Variants in EVC observed in about 807,000 individuals in gnomAD.
EVC encodes the protein EvC ciliary complex subunit 1, also known as evC complex member EVC.
In EVC, 116 loss-of-function variants were observed where a neutral mutation model predicts 118.9. That is an observed-to-expected ratio of 0.98 (90% CI 0.84 to 1.14). EVC has a LOEUF of 1.14. Ranked by LOEUF, EVC falls within the 50% of genes most tolerant of loss-of-function variation. The pLI is 0.00. For synonymous variants in EVC, 619 were observed against 534.7 expected, an observed-to-expected ratio of 1.16 and a Z score of -2.18; for missense variants, 1,401 against 1,246.4, an observed-to-expected ratio of 1.12 and a Z score of -1.87.
At chr4:5,827,657 C>T in the EVC span, among the ~76,000 whole-genome samples, 1 of 152,010 alleles carries the variant, frequency 6.6e-6, no homozygotes, top group Admixed American at 6.6e-5. Context: ...CACACATCCC[C>T]ATATGCACAC....
intron 12 of EVC, among the ~76,000 whole-genome samples, chr4:5,784,368 G>C (rs1481197088): frequency 1.3e-5 from 2 of 152,116 alleles, no homozygotes; most frequent in African/African-American, 4.8e-5. Flanking sequence ...TCGGAATGGT[G>C]TGGCTGTGAG....
intron 17 of EVC, among the ~76,000 whole-genome samples, chr4:5,805,791 AG>A (rs576637435): frequency 6.6e-6 from 1 of 152,112 alleles, no homozygotes; most frequent in Middle Eastern, 3.4e-3. Context: ...GTGTTGGGAA[AG>A]GGGGTGCATG....
chr4:5,823,831 A>G, the EVC span, among the ~76,000 whole-genome samples: 2 of 152,228 alleles, frequency 1.3e-5, no homozygotes, highest in Admixed American at 6.5e-5. Flanking sequence ...GTAATCCTTT[A>G]TAGCAATGTA....
intron 15 of EVC, among the ~76,000 whole-genome samples, chr4:5,800,821 G>A (rs116803230): frequency 0.016 from 2,381 of 147,862 alleles, 64 homozygotes; most frequent in African/African-American, 0.057. Flanking sequence ...CTGCCACTCC[G>A]GGCTGTACAG....
rs2152387774 is a variant in EVC at position 5,808,249 on chromosome 4, G to A, written c.2610G>A (p.Gln870=). The A allele has an allele frequency of 2.5e-6, 4 of 1,609,200 alleles. No homozygotes were observed. Among genetic ancestry groups the A allele is most frequent in the South Asian group, 1.1e-5 (1 of 90,854 alleles). Residue 870 remains glutamine (Q), a synonymous_variant, in exon 18 of 21, where the codon CAG becomes CAA. Coordinates refer to ENST00000264956, the MANE Select transcript of EVC (RefSeq NM_153717.3). The stretch of plus-strand genomic sequence containing the variant: ...TCCTGGCCCAGTTCCCAGTGCACCA[G>A]CAGATGCGTCTGCACGCCCAGCAGC... ...KRFLAQFPVH[Q]QMRLHAQQQQ...
At chr4:5,799,004 C>T (rs1025145974) in intron 15 of EVC, among the ~76,000 whole-genome samples, 1 of 152,152 alleles carries the variant, frequency 6.6e-6, no homozygotes, top group Non-Finnish European at 1.5e-5. Flanking sequence ...CACCGGTTCT[C>T]CCCCTGCTGT....
At chr4:5,729,121 T>C (rs549240345) in intron 2 of EVC, among the ~76,000 whole-genome samples, 186 bp from the exon 3 acceptor site, 1 of 152,188 alleles carries the variant, frequency 6.6e-6, no homozygotes, top group African/African-American at 2.4e-5. Context: ...TCCATCCATC[T>C]GTTTGTCCAC....
chr4:5,829,006 C>T, the EVC span, among the ~76,000 whole-genome samples: 1 of 151,818 alleles, frequency 6.6e-6, no homozygotes, highest in African/African-American at 2.4e-5. Flanking sequence ...CTTCATTTTA[C>T]TTAAAATGTG....
chr4:5,733,582 C>T lies in EVC; in HGVS notation c.702+147C>T, dbSNP rs886960890. On this transcript the variant is annotated intron_variant, in intron 5 of 20. Coordinates refer to ENST00000264956, the MANE Select transcript of EVC (RefSeq NM_153717.3). ...GTGAGGTGGGGGAAAGCGGCGCTGTCAGGCATGCAGCCACAAAATGGAAAA... is the reference window on the plus strand; with the variant it reads ...GTGAGGTGGGGGAAAGCGGCGCTGTTAGGCATGCAGCCACAAAATGGAAAA... The T allele has an allele frequency of 5.2e-6, 4 of 774,784 alleles. No homozygotes were observed. In the African/African-American group the frequency reaches 6.8e-5, roughly 13 times the overall value. The allele number at this position is 774,784 out of a possible 1,614,324, so 48.0% of individuals were successfully genotyped here. A position where few individuals can be genotyped will look rare whatever the true frequency, so the allele number is the denominator to read the frequency against.
rs73079505 is a variant in EVC, at chr4:5,811,652, C to T, written c.*615C>T. The T allele has an allele frequency of 0.014, 2,234 of 163,364 alleles. 54 individuals are homozygous for T. Among genetic ancestry groups the T allele is most frequent in the African/African-American group, 0.05 (2,081 of 41,610 alleles). The allele number at this position is 163,364 out of a possible 1,614,324, so 10.1% of individuals were successfully genotyped here. Reference sequence around the variant, plus strand: ...TCACCACACCCAGAAGAGGCCTTTCCCATCTGGAGAGAAGCTTCCAGACCA... The same window carrying T: ...TCACCACACCCAGAAGAGGCCTTTCTCATCTGGAGAGAAGCTTCCAGACCA... On this transcript the variant is annotated 3_prime_UTR_variant, in exon 21 of 21. Transcript: ENST00000264956.
At chr4:5,825,775 T>TGCACACACACACACAACAC in the EVC span, 1 of 967,778 alleles carries the variant, frequency 1.0e-6, no homozygotes, top group Non-Finnish European at 1.5e-6. The surrounding 1 kb of genome is among the most constrained non-coding windows in gnomAD (Gnocchi z 4.4). Context: ...CAAATGTGCA[T>TGCACACACACACACAACAC]GCACACACAC....
intron 12 of EVC, among the ~76,000 whole-genome samples, chr4:5,784,893 C>A (rs757736348): frequency 1.3e-5 from 2 of 152,154 alleles, no homozygotes; most frequent in Non-Finnish European, 2.9e-5. Context: ...CAGGCATGAG[C>A]CACTGTGCCC....
rs561828453 is a variant in EVC at position 5,754,388 on chromosome 4, C to G, written c.1464+455C>G. 6.6e-6 allele frequency among the ~76,000 whole-genome samples: 1 copy of G among 152,208 alleles called. No individual in the cohort carries two copies. Among genetic ancestry groups the G allele is most frequent in the East Asian group, 1.9e-4 (1 of 5,168 alleles). ...AGCCTTGCATGTGGGGTTGAGTGGT[C>G]AGGGCCAGGAGGTGGCCAAGGTCAG... On this transcript the variant is annotated intron_variant, in intron 10 of 20. Coordinates refer to ENST00000264956, the MANE Select transcript of EVC (RefSeq NM_153717.3). This position sits in a 1 kb window ranked among gnomAD's most constrained non-coding sequence, Gnocchi z 5.8.
rs199751923 is a variant in EVC at position 5,810,370 on chromosome 4, C to G, written c.2814C>G (p.Pro938=). 1.4e-5 allele frequency: 23 copies of G among 1,613,912 alleles called. No homozygotes were observed. The Admixed American group carries it at 3.8e-4, about 27-fold the overall frequency. Residue 938 remains proline, a synonymous_variant, in exon 20 of 21, where the codon CCC becomes CCG. Coordinates refer to ENST00000264956, the MANE Select transcript of EVC (RefSeq NM_153717.3). Reference sequence around the variant, plus strand: ...CCCTAAGGACTAAAAGGAAGAAGCCCCTGCCCCAGGAAAGAGGGGACCTGG... The same window carrying G: ...CCCTAAGGACTAAAAGGAAGAAGCCGCTGCCCCAGGAAAGAGGGGACCTGG... ...EKPLRTKRKK[P]LPQERGDLGV... is the part of the protein sequence containing the mutation.
Position 5,729,383 on chromosome 4 carries a change from A to C in EVC, c.377A>C (p.Lys126Thr). ...KAKVIYPINQ[K>T]FRPLADGSSN... ...AAAGTCATCTACCCCATCAATCAGA[A>C]GTTCCGGGTGAGAGTCCTGAGCTCC... The change falls in exon 3 of 21, where the codon AAG (lysine) becomes ACG (threonine). Residue 126 changes from lysine to threonine, a missense_variant. Transcript: ENST00000264956. 6.2e-7 allele frequency: 1 copy of C among 1,614,048 alleles called. No individual in the cohort carries two copies. Among genetic ancestry groups the C allele is most frequent in the Non-Finnish European group, 8.5e-7 (1 of 1,179,992 alleles).
At position 5,749,808 on chromosome 4, in the gene EVC, C is replaced by T. The variant is rs551903370; in HGVS notation, c.1098+1502C>T. Among the ~76,000 whole-genome samples the T allele has an allele frequency of 4.6e-5, 7 of 152,264 alleles. No individual in the cohort carries two copies. Among genetic ancestry groups the T allele is most frequent in the African/African-American group, 7.2e-5 (3 of 41,554 alleles). ...CAGCACAGACTCAGCTCCTCAGACCCGTGGGAAAGCCAAGCCTCAACGGAT... is the reference window on the plus strand; with the variant it reads ...CAGCACAGACTCAGCTCCTCAGACCTGTGGGAAAGCCAAGCCTCAACGGAT... On this transcript the variant is annotated intron_variant, in intron 8 of 20. Transcript: ENST00000264956. This position sits in a 1 kb window ranked among gnomAD's most constrained non-coding sequence, Gnocchi z 4.4.
chr4:5,820,705 C>T, the EVC span: 2 of 152,174 alleles, frequency 1.3e-5, no homozygotes, highest in African/African-American at 4.8e-5. Flanking sequence ...CACCACCATT[C>T]GTTATCACGC....
At position 5,745,404 on chromosome 4, in the gene EVC, C is replaced by A. The variant is rs13145958; in HGVS notation, c.939+63C>A. The A allele has an allele frequency of 0.59, 913,064 of 1,553,934 alleles. 271,937 individuals carry two copies. Among genetic ancestry groups the A allele is most frequent in the Non-Finnish European group, 0.61 (691,119 of 1,127,080 alleles). Reference sequence around the variant, plus strand: ...GTTCCTAAAACAGTTAAATTGGCTACATTAGAGAGATGATAGTTAGAAGTG... The same window carrying A: ...GTTCCTAAAACAGTTAAATTGGCTAAATTAGAGAGATGATAGTTAGAAGTG... On this transcript the variant is annotated intron_variant, in intron 7 of 20. Transcript: ENST00000264956.
downstream of EVC, among the ~76,000 whole-genome samples, chr4:5,818,234 A>G (rs755360456): frequency 6.6e-6 from 1 of 152,082 alleles, no homozygotes; most frequent in African/African-American, 2.4e-5. Flanking sequence ...CATGATTGTG[A>G]AGTTCTAGCC....
Sources: gnomAD v4.1 joint callset for allele counts (sites outside exome capture counted in the v4.1 genomes callset) on GRCh38, gnomAD v4.1.1 for gene constraint, Gnocchi (gnomAD v3.1) non-coding constraint, MANE v1.5 for transcripts, NCBI Gene and HGNC (gene_info 2026-07-23, HGNC 2026-07-21) for gene names.